The following CTIF variants were observed in gnomAD, a reference collection of about 807,000 sequenced individuals.
The protein encoded by CTIF is CBP80/20-dependent translation initiation factor.
CTIF carries 21 observed loss-of-function variants against 66.0 expected under a neutral mutation model. That is an observed-to-expected ratio of 0.32 (90% CI 0.23 to 0.46). The LOEUF is 0.46. Among genes scored for constraint, CTIF ranks in the 20% least tolerant of loss-of-function variants. The probability of loss-of-function intolerance (pLI) is 1.00; values close to 1 mark genes in which losing one functional copy is unlikely to be tolerated. For missense variants in CTIF, 739 were observed against 812.7 expected (o/e 0.91, Z 1.10); for synonymous variants, 345 against 326.4 (o/e 1.06, Z -0.62).
At chr18:48,787,235 G>A (rs1051360650) in intron 9 of CTIF, among the ~76,000 whole-genome samples, 1 of 152,168 alleles carries the variant, frequency 6.6e-6, no homozygotes, top group South Asian at 2.1e-4. Context: ...GCCCAGCCCA[G>A]GATGGCTGTG....
intron 10 of CTIF, among the ~76,000 whole-genome samples, chr18:48,856,761 C>T (rs1409513668): frequency 1.3e-5 from 2 of 152,150 alleles, no homozygotes; most frequent in Admixed American, 1.3e-4. Context: ...TGAGGAGGAA[C>T]AGGGAATGGC....
At chr18:48,830,451 G>C (rs545407180) in intron 10 of CTIF, among the ~76,000 whole-genome samples, 1 of 152,136 alleles carries the variant, frequency 6.6e-6, no homozygotes, top group Non-Finnish European at 1.5e-5. Context: ...GGCTACAGGC[G>C]TGAACCACCG....
chr18:48,590,137 C>T (rs529879090), intron 1 of CTIF, among the ~76,000 whole-genome samples: 5 of 152,334 alleles, frequency 3.3e-5, no homozygotes, highest in South Asian at 2.1e-4. Context: ...TGGTGGTATG[C>T]GAGTCCATAG....
intron 1 of CTIF, among the ~76,000 whole-genome samples, chr18:48,594,316 C>A (rs1399920470): frequency 6.6e-6 from 1 of 151,866 alleles, no homozygotes; most frequent in Non-Finnish European, 1.5e-5. Flanking sequence ...GCCCTTCATT[C>A]TTCCCCACCC....
intron 1 of CTIF, among the ~76,000 whole-genome samples, chr18:48,561,837 C>A (rs111321800): frequency 2.6e-5 from 4 of 152,174 alleles, no homozygotes; most frequent in African/African-American, 4.8e-5. Flanking sequence ...TTTTTCTCAT[C>A]GGTAAAATAG....
intron 1 of CTIF, among the ~76,000 whole-genome samples, chr18:48,608,945 T>C (rs1466781426): frequency 6.6e-6 from 1 of 152,210 alleles, no homozygotes; most frequent in Non-Finnish European, 1.5e-5. Context: ...TTTCTAGCCT[T>C]ACCCCAGGTG....
chr18:48,567,455 G>C (rs1467399997), intron 1 of CTIF: 1 of 152,236 alleles, frequency 6.6e-6, no homozygotes, highest in African/African-American at 2.4e-5. Context: ...AAATGTCATT[G>C]AGTATTTTCT....
At chr18:48,757,868 G>T in intron 7 of CTIF, 51 bp from the exon 8 acceptor site, 2 of 1,568,192 alleles carry the variant, frequency 1.3e-6, no homozygotes, top group South Asian at 2.4e-5. Context: ...CAGGGACTCT[G>T]ACCAGCCCGC....
At chr18:48,770,376 G>A (rs113761166) in intron 9 of CTIF, among the ~76,000 whole-genome samples, 2 of 152,266 alleles carry the variant, frequency 1.3e-5, no homozygotes, top group African/African-American at 2.4e-5. Context: ...AGAGAGCCCC[G>A]CTCCTGAGAA....
intron 1 of CTIF, among the ~76,000 whole-genome samples, chr18:48,545,741 A>C (rs2088731011): frequency 6.6e-6 from 1 of 152,164 alleles, no homozygotes; most frequent in African/African-American, 2.4e-5. Context: ...TGCAAGCTAG[A>C]GGCTGCAGAA....
At chr18:48,850,895 G>C (rs2069184871) in intron 10 of CTIF, among the ~76,000 whole-genome samples, 1 of 152,216 alleles carries the variant, frequency 6.6e-6, no homozygotes, top group African/African-American at 2.4e-5. Context: ...ACAGGACATG[G>C]TCTGCAGCCA....
chr18:48,549,855 C>A (rs781624859), intron 1 of CTIF, among the ~76,000 whole-genome samples: 10 of 152,184 alleles, frequency 6.6e-5, no homozygotes, highest in Non-Finnish European at 1.5e-4. Flanking sequence ...GGGAAGGGAG[C>A]AATGGTTGGC....
In CTIF at chr18:48,636,704, G is replaced by A. The variant is rs376205126; in HGVS notation, c.252+19G>A. The A allele has an allele frequency of 1.7e-5, 27 of 1,575,394 alleles. No individual in the cohort carries two copies. The highest frequency in any genetic ancestry group is 1.1e-4 in the South Asian group (9 of 83,334). ...ACAGCAGGTAGGGAACCAGCTCTGCGCTCTGTCTGGGGGTGTCCTATGTCT... is the reference window on the plus strand; with the variant it reads ...ACAGCAGGTAGGGAACCAGCTCTGCACTCTGTCTGGGGGTGTCCTATGTCT... On this transcript the variant is annotated intron_variant, in intron 3 of 11. Transcript: ENST00000256413.
chr18:48,618,712 C>T lies in CTIF; in HGVS notation c.-28-826C>T, dbSNP rs1226991081. ...CCCTGCAGGGCTGGGTTGAGCACATCAGCTCCAGAGATTGCAGTTCTGTTG... is the reference window on the plus strand; with the variant it reads ...CCCTGCAGGGCTGGGTTGAGCACATTAGCTCCAGAGATTGCAGTTCTGTTG... On this transcript the variant is annotated intron_variant, in intron 1 of 11. Coordinates refer to ENST00000256413, the MANE Select transcript of CTIF (RefSeq NM_014772.3). 3.3e-5 allele frequency among the ~76,000 whole-genome samples: 5 copies of T among 152,206 alleles called. No homozygotes were observed. The East Asian group carries it at 9.6e-4, about 29-fold the overall frequency.
chr18:48,685,412 G>A (rs1382872629), intron 6 of CTIF, among the ~76,000 whole-genome samples: 1 of 151,752 alleles, frequency 6.6e-6, no homozygotes, highest in African/African-American at 2.4e-5. Flanking sequence ...TGGTAGAGAC[G>A]GGGTTTCACC....
At chr18:48,763,799 G>A (rs189915145) in intron 9 of CTIF, among the ~76,000 whole-genome samples, 11 of 152,214 alleles carry the variant, frequency 7.2e-5, no homozygotes, top group Non-Finnish European at 1.0e-4. Context: ...GAGGGACCCC[G>A]TGTGAGCCTT....
At chr18:48,609,931 C>T (rs2090275525) in intron 1 of CTIF, among the ~76,000 whole-genome samples, 1 of 152,118 alleles carries the variant, frequency 6.6e-6, no homozygotes, top group Non-Finnish European at 1.5e-5. Context: ...CAACTCCCAG[C>T]ATCCATTGGC....
intron 9 of CTIF, among the ~76,000 whole-genome samples, chr18:48,789,729 A>G (rs867945151): frequency 4.4e-4 from 67 of 152,336 alleles, no homozygotes; most frequent in African/African-American, 1.6e-3. Flanking sequence ...ATATATGGAA[A>G]CTCAAACCTA....
chr18:48,843,397 G>T (rs1014953766), intron 10 of CTIF, among the ~76,000 whole-genome samples: 1 of 152,056 alleles, frequency 6.6e-6, no homozygotes, highest in South Asian at 2.1e-4. Flanking sequence ...GAGTGGGGAG[G>T]GCTTGCAGGC....
Sources: gnomAD v4.1 joint callset for allele counts (sites outside exome capture counted in the v4.1 genomes callset) on GRCh38, gnomAD v4.1.1 for gene constraint, MANE v1.5 for transcripts, NCBI Gene and HGNC (gene_info 2026-07-23, HGNC 2026-07-21) for gene names.